Variants in SGPL1 observed in about 807,000 individuals in gnomAD.
The protein encoded by SGPL1 is sphingosine-1-phosphate lyase 1, also known as SP-lyase 1.
SGPL1 carries 37 observed loss-of-function variants against 68.9 expected under a neutral mutation model. The observed-to-expected ratio is 0.54, with a 90% CI of 0.41 to 0.71. The LOEUF (loss-of-function observed/expected upper bound fraction) is 0.71, where lower values mean the gene tolerates loss of function less well. SGPL1 is among the 30% of genes least tolerant of loss of function. SGPL1 has a pLI of 0.00. For synonymous variants in SGPL1, 236 were observed against 248.5 expected, an observed-to-expected ratio of 0.95 and a Z score of 0.47; for missense variants, 551 against 704.6, an observed-to-expected ratio of 0.78 and a Z score of 2.47.
rs1846000101 is a variant in SGPL1 at position 70,858,554 on chromosome 10, A to G, written c.487-817A>G. Among the ~76,000 whole-genome samples, 4 of 152,210 alleles carry G rather than the reference A, an allele frequency of 2.6e-5. No homozygotes were observed. The South Asian group carries it at 8.3e-4, about 32-fold the overall frequency. ...TGAAACTGTCCCTTACTAAATAAATATGGCAGGTTTTGCATAAGTTGGTGT... is the reference window on the plus strand; with the variant it reads ...TGAAACTGTCCCTTACTAAATAAATGTGGCAGGTTTTGCATAAGTTGGTGT... On this transcript the variant is annotated intron_variant, in intron 6 of 14. Coordinates refer to ENST00000373202, the MANE Select transcript of SGPL1 (RefSeq NM_003901.4).
At chr10:70,844,318 C>CT (rs1845758554) in intron 2 of SGPL1, among the ~76,000 whole-genome samples, 155 bp from the exon 3 acceptor site, 1 of 152,074 alleles carries the variant, frequency 6.6e-6, no homozygotes, top group Non-Finnish European at 1.5e-5. Context: ...GTACAGAAGC[C>CT]TTGAGGGCTG....
At chr10:70,829,622 A>G (rs1053070551) in intron 2 of SGPL1, among the ~76,000 whole-genome samples, 8 of 150,630 alleles carry the variant, frequency 5.3e-5, no homozygotes, top group African/African-American at 1.7e-4. Flanking sequence ...AATGGCTTCT[A>G]TTTTTGCAGA....
chr10:70,840,865 C>G (rs1845702501), intron 2 of SGPL1, among the ~76,000 whole-genome samples: 1 of 151,984 alleles, frequency 6.6e-6, no homozygotes, highest in African/African-American at 2.4e-5. Flanking sequence ...TTGCTGTCAC[C>G]CTAATACTGG....
At chr10:70,836,785 A>T (rs1767214) in intron 2 of SGPL1, among the ~76,000 whole-genome samples, 150,233 of 152,246 alleles carry the variant, frequency 0.99, 74,158 homozygotes, top group Middle Eastern at 1. Context: ...AGGGATGGGA[A>T]CTTGTTATGT....
chr10:70,836,597 G>A (rs1421154372), intron 2 of SGPL1, among the ~76,000 whole-genome samples: 1 of 150,948 alleles, frequency 6.6e-6, no homozygotes, highest in Non-Finnish European at 1.5e-5. Context: ...CTGAGATAGA[G>A]TCTCACTCTG....
rs761355421 is a variant in SGPL1 at position 70,876,679 on chromosome 10, T to A, written c.1566+18T>A. 1 of 1,602,004 alleles carries A rather than the reference T, an allele frequency of 6.2e-7. No homozygotes were observed. Among genetic ancestry groups the A allele is most frequent in the Admixed American group, 1.8e-5 (1 of 56,722 alleles). On this transcript the variant is annotated intron_variant, in intron 14 of 14. Transcript: ENST00000373202. ...CAGGAATGGTAGGGACACTTGGAGTTTTTTTTCTTCTCTTGGAAATTTAGG... is the reference window on the plus strand; with the variant it reads ...CAGGAATGGTAGGGACACTTGGAGTATTTTTTCTTCTCTTGGAAATTTAGG...
At position 70,873,423 on chromosome 10, in the gene SGPL1, G is replaced by T. The variant is rs369763767; in HGVS notation, c.1132G>T (p.Val378Phe). The T allele has an allele frequency of 6.2e-7, 1 of 1,614,116 alleles. No individual in the cohort carries two copies. Among genetic ancestry groups the T allele is most frequent in the African/African-American group, 1.3e-5 (1 of 74,932 alleles). Reference protein sequence around the residue: ...DKKYRNYQFFVDTDWQGGIYA... With the variant: ...DKKYRNYQFFFDTDWQGGIYA... Reference sequence around the variant, plus strand: ...GAAGTACAGGAACTATCAGTTCTTCGTCGATACAGATTGGCAGGGTGGCAT... The same window carrying T: ...GAAGTACAGGAACTATCAGTTCTTCTTCGATACAGATTGGCAGGGTGGCAT... Residue 378 changes from valine (V) to phenylalanine (F), a missense_variant, in exon 12 of 15, where the codon GTC becomes TTC. Val to Phe is a conservative substitution (Grantham distance 50, BLOSUM62 -1). Transcript: ENST00000373202.
At chr10:70,817,960 C>T (rs538878913) in intron 2 of SGPL1, among the ~76,000 whole-genome samples, 8 of 152,128 alleles carry the variant, frequency 5.3e-5, no homozygotes, top group Non-Finnish European at 1.0e-4. Flanking sequence ...GGAAGAATAG[C>T]GTTGCTAAAT....
intron 7 of SGPL1, among the ~76,000 whole-genome samples, chr10:70,863,118 C>G (rs746190544): frequency 2.0e-5 from 3 of 152,038 alleles, no homozygotes; most frequent in Non-Finnish European, 4.4e-5. Context: ...CCTTGAGTAG[C>G]TGGGACTACA....
intron 7 of SGPL1, among the ~76,000 whole-genome samples, chr10:70,867,738 G>A (rs1184235043): frequency 1.3e-5 from 2 of 152,112 alleles, no homozygotes; most frequent in Non-Finnish European, 2.9e-5. Context: ...AAAGAAATGT[G>A]TTTATCAGAG....
intron 3 of SGPL1, among the ~76,000 whole-genome samples, chr10:70,849,689 A>G (rs561299139): frequency 2.8e-4 from 42 of 152,338 alleles, no homozygotes; most frequent in African/African-American, 9.6e-4. Context: ...GTGGTTGTTG[A>G]GTGAAGAGGG....
intron 4 of SGPL1, among the ~76,000 whole-genome samples, chr10:70,852,464 T>C (rs1364610774): frequency 6.6e-6 from 1 of 152,204 alleles, no homozygotes; most frequent in Non-Finnish European, 1.5e-5. Context: ...GGGAAGGTAT[T>C]GTAGAAGATG....
intron 2 of SGPL1, among the ~76,000 whole-genome samples, chr10:70,826,944 T>C (rs1466454574): frequency 6.6e-6 from 1 of 152,220 alleles, no homozygotes; most frequent in East Asian, 1.9e-4. Flanking sequence ...ATAATTCACA[T>C]TTGGGTTGTT....
At chr10:70,875,592 T>C in intron 13 of SGPL1, 44 bp downstream of exon 13, 1 of 1,536,910 alleles carries the variant, frequency 6.5e-7, no homozygotes, top group Non-Finnish European at 8.9e-7. Flanking sequence ...CTCCATGATT[T>C]TGGAAGAACT....
chr10:70,824,900 A>G (rs958591897), intron 2 of SGPL1, among the ~76,000 whole-genome samples: 4 of 150,666 alleles, frequency 2.7e-5, no homozygotes, highest in Admixed American at 6.6e-5. Flanking sequence ...AACACAATAC[A>G]TTTTTCAGGT....
At chr10:70,830,461 G>A (rs1380406847) in intron 2 of SGPL1, among the ~76,000 whole-genome samples, 1 of 152,128 alleles carries the variant, frequency 6.6e-6, no homozygotes, top group Non-Finnish European at 1.5e-5. Context: ...TCGTTTAATG[G>A]TTTCAAGGTT....
rs138072419 is a variant in SGPL1 at position 70,850,655 on chromosome 10, G to T, written c.194-488G>T. On this transcript the variant is annotated intron_variant, in intron 3 of 14. Coordinates refer to ENST00000373202, the MANE Select transcript of SGPL1 (RefSeq NM_003901.4). ...AGCAACCTATATATCCATCATTAAG[G>T]GGCAGGTTAAATAAATTTTGGCACA... 6.1e-3 allele frequency among the ~76,000 whole-genome samples: 922 copies of T among 152,174 alleles called. 5 individuals carry two copies. The highest frequency in any genetic ancestry group is 0.021 in the African/African-American group (879 of 41,498).
At chr10:70,842,323 T>C (rs1478580167) in intron 2 of SGPL1, among the ~76,000 whole-genome samples, 1 of 152,222 alleles carries the variant, frequency 6.6e-6, no homozygotes. Flanking sequence ...AAAATGTTGA[T>C]AGATACCAAC....
At chr10:70,822,071 G>A (rs937369061) in intron 2 of SGPL1, among the ~76,000 whole-genome samples, 3 of 152,134 alleles carry the variant, frequency 2.0e-5, no homozygotes, top group Admixed American at 2.0e-4. Flanking sequence ...CTCTTTTTCA[G>A]GGATGCTTTC....
Sources: allele counts gnomAD v4.1 joint callset (sites outside exome capture counted in the v4.1 genomes callset), GRCh38; gene constraint gnomAD v4.1.1; transcripts MANE v1.5; gene names NCBI Gene and HGNC (gene_info 2026-07-23, HGNC 2026-07-21).